MUC5AC: variants seen among roughly 807,000 people sequenced by gnomAD.
MUC5AC encodes the protein mucin 5AC, oligomeric mucus/gel-forming.
In MUC5AC, 158 loss-of-function variants were observed where a neutral mutation model predicts 169.7. That is an observed-to-expected ratio of 0.93 (90% confidence interval 0.82 to 1.06). MUC5AC has a LOEUF of 1.06. Among genes scored for constraint, MUC5AC ranks in the 50% least tolerant of loss-of-function variants. MUC5AC has a pLI of 0.00. For missense variants in MUC5AC, 4,359 were observed against 3,089.9 expected (o/e 1.41, Z -9.74); for synonymous variants, 1,975 against 1,237.0 (o/e 1.60, Z -12.52).
Position 1,189,796 on chromosome 11 carries a change from C to T in MUC5AC, c.11651C>T (p.Thr3884Ile), listed in dbSNP as rs1449840521. 9 of 716,518 alleles carry T rather than the reference C, an allele frequency of 1.3e-5. No homozygotes were observed. The African/African-American group carries it at 1.6e-4, about 12-fold the overall frequency. The allele number at this position is 716,518 out of a possible 1,614,324, so 44.4% of individuals were successfully genotyped here. Residue 3884 changes from threonine to isoleucine, a missense_variant, in exon 31 of 49, where the codon ACA becomes ATA. Coordinates refer to ENST00000621226, the MANE Select transcript of MUC5AC (RefSeq NM_001304359.2). ...APTTSTTSFH[T>I]TSTTSPPTSS... ...ACAACCAGCACAACCTCTTTCCATA[C>T]AACCAGCACAACCTCTCCCCCTACA...
rs1860694461 is a variant in MUC5AC at position 1,176,569 on chromosome 11, G to A, written c.2558G>A (p.Gly853Asp). 1 of 399,808 alleles carries A rather than the reference G, an allele frequency of 2.5e-6. No individual in the cohort carries two copies. Among genetic ancestry groups the A allele is most frequent in the Non-Finnish European group, 4.4e-6 (1 of 226,968 alleles). The allele number at this position is 399,808 out of a possible 1,614,324, so 24.8% of individuals were successfully genotyped here. Residue 853 changes from glycine to aspartate, a missense_variant, in exon 21 of 49, where the codon GGC becomes GAC. Physicochemically the swap from Gly to Asp is moderately conservative, Grantham distance 94. Coordinates refer to ENST00000621226, the MANE Select transcript of MUC5AC (RefSeq NM_001304359.2). ...TGCCCCGACGGGCTGGTGGCGGACGGCGAGGGCGGCTGCATCACTGCGGAG... is the reference window on the plus strand; with the variant it reads ...TGCCCCGACGGGCTGGTGGCGGACGACGAGGGCGGCTGCATCACTGCGGAG... The part of the protein sequence containing the change: ...CVCPDGLVAD[G>D]EGGCITAEDC...
In MUC5AC at chr11:1,190,247, G is replaced by A. The variant is rs1861054497; in HGVS notation, c.12102G>A (p.Gln4034=). The A allele has an allele frequency of 1.4e-6, 1 of 734,510 alleles. No homozygotes were observed. The highest frequency in any genetic ancestry group is 2.5e-6 in the Non-Finnish European group (1 of 402,592). The allele number at this position is 734,510 out of a possible 1,614,324, so 45.5% of individuals were successfully genotyped here. Residue 4034 remains glutamine (Q), a synonymous_variant, in exon 31 of 49, where the codon CAG becomes CAA. Transcript: ENST00000621226. ...GCCTGGTGTGCCGGAACCAGGACCA[G>A]CAGGGACCCTTCAAGATGTGCCTCA... ...EEGLVCRNQD[Q]QGPFKMCLNY...
intron 20 of MUC5AC, 54 bp from the exon 21 acceptor site, chr11:1,176,460 C>G: frequency 2.5e-6 from 1 of 398,916 alleles, no homozygotes; most frequent in Middle Eastern, 6.3e-4. Flanking sequence ...CTGGGAGGAC[C>G]TGGCAGGCCC....
In MUC5AC at chr11:1,184,523, C is replaced by T. The variant is rs1219041618; in HGVS notation, c.6378C>T (p.Phe2126=). Residue 2126 remains phenylalanine (F), a synonymous_variant, in exon 31 of 49, where the codon TTC becomes TTT. Transcript: ENST00000621226. ...CHPRCTWTTW[F]DVDFPSPGPH... ...CCCGGTGCACCTGGACAACGTGGTT[C>T]GACGTGGACTTCCCGTCCCCCGGAC... 1,781 of 652,656 alleles carry T rather than the reference C, an allele frequency of 2.7e-3. 40 individuals are homozygous for T. The highest frequency in any genetic ancestry group is 0.024 in the South Asian group (1,354 of 56,772). 40.4% of individuals were successfully genotyped at this position (652,656 alleles called of 1,614,324 possible).
intron 6 of MUC5AC, among the ~76,000 whole-genome samples, chr11:1,163,533 G>T (rs971489645): frequency 1 from 152,274 of 152,274 alleles, 76,137 homozygotes; most frequent in Non-Finnish European, 1. Flanking sequence ...AGTGCTGGGG[G>T]GGCTGGGTTC....
Position 1,179,370 on chromosome 11 carries a change from C to T in MUC5AC, c.3484+122C>T. On this transcript the variant is annotated intron_variant, in intron 26 of 48. Transcript: ENST00000621226. ...GGGAAGGTTTCCAAATAAACAGAAACACCTGGGCCCAGAGAGGAGGGCGTG... is the reference window on the plus strand; with the variant it reads ...GGGAAGGTTTCCAAATAAACAGAAATACCTGGGCCCAGAGAGGAGGGCGTG... The T allele has an allele frequency of 6.5e-6, 3 of 464,570 alleles. No homozygotes were observed. In the South Asian group the frequency reaches 1.4e-4, roughly 22 times the overall value. The allele number at this position is 464,570 out of a possible 1,614,324, so 28.8% of individuals were successfully genotyped here.
At position 1,160,692 on chromosome 11, in the gene MUC5AC, G is replaced by A; in HGVS notation, c.151+3G>A. Reference sequence around the variant, plus strand: ...TCCTATCGCCCGGGGGCCCAGCGGTGAGTCTGAGTGTCCGGCCCCCACCCT... The same window carrying A: ...TCCTATCGCCCGGGGGCCCAGCGGTAAGTCTGAGTGTCCGGCCCCCACCCT... On this transcript the variant is annotated splice_donor_region_variant and intron_variant, in intron 2 of 48. Transcript: ENST00000621226. 1.9e-6 allele frequency: 3 copies of A among 1,608,260 alleles called. No homozygotes were observed. The highest frequency in any genetic ancestry group is 2.5e-6 in the Non-Finnish European group (3 of 1,178,842).
rs1210951346 is a variant in MUC5AC at position 1,190,767 on chromosome 11, A to C, written c.12622A>C (p.Ser4208Arg). ...TSSTTSTPQT[S>R]KTSAATSSTT... is the part of the protein sequence containing the mutation. ...CAGCACAACCTCCACTCCACAGACC[A>C]GCAAAACCTCAGCTGCTACAAGCAG... Residue 4208 changes from serine (S) to arginine (R), a missense_variant, in exon 31 of 49, where the codon AGC becomes CGC. Transcript: ENST00000621226. 395 of 706,640 alleles carry C rather than the reference A, an allele frequency of 5.6e-4. 4 individuals carry two copies. The highest frequency in any genetic ancestry group is 4.2e-3 in the South Asian group (287 of 67,806). The allele number at this position is 706,640 out of a possible 1,614,324, so 43.8% of individuals were successfully genotyped here. A position where few individuals can be genotyped will look rare whatever the true frequency, so the allele number is the denominator to read the frequency against.
At chr11:1,174,793 G>A (rs1860633400) in intron 17 of MUC5AC, 89 bp from the exon 18 acceptor site, 1 of 457,492 alleles carries the variant, frequency 2.2e-6, no homozygotes, top group Non-Finnish European at 3.9e-6. Context: ...GGGAGGGGAG[G>A]GTAGCCGAGA....
Position 1,185,479 on chromosome 11 carries a change from C to T in MUC5AC, c.7334C>T (p.Thr2445Ile). The change falls in exon 31 of 49, where the codon ACT becomes ATT. Residue 2445 changes from threonine (T) to isoleucine (I), a missense_variant. Thr to Ile is a moderately conservative substitution (Grantham distance 89). Coordinates refer to ENST00000621226, the MANE Select transcript of MUC5AC (RefSeq NM_001304359.2). The stretch of plus-strand genomic sequence containing the variant: ...ACCTCGGCTCCTACAACCAGCACAA[C>T]TTCTGGTCCTGGAACTACCCCAAGC... ...STTSAPTTST[T>I]SGPGTTPSPV... 1 of 728,114 alleles carries T rather than the reference C, an allele frequency of 1.4e-6. No individual in the cohort carries two copies. The highest frequency in any genetic ancestry group is 1.4e-5 in the South Asian group (1 of 69,880). 45.1% of individuals were successfully genotyped at this position (728,114 alleles called of 1,614,324 possible). A position where few individuals can be genotyped will look rare whatever the true frequency, so the allele number is the denominator to read the frequency against.
rs1051648538 is a variant in MUC5AC at position 1,182,157 on chromosome 11, G to A, written c.4012G>A (p.Val1338Met). ...GCTGCCTTCTCTTCTGCCCACAGTC[G>A]TGAGCTCCACGCACACCCCCAGCAA... ...TFSFSTPPLV[V>M]SSTHTPSNGP... is the part of the protein sequence containing the mutation. Residue 1338 changes from valine to methionine, a missense_variant and splice_region_variant, in exon 31 of 49, where the codon GTG becomes ATG. Transcript: ENST00000621226. The A allele has an allele frequency of 1.0e-4, 40 of 398,464 alleles. No individual in the cohort carries two copies. Among genetic ancestry groups the A allele is most frequent in the Admixed American group, 7.5e-4 (17 of 22,710 alleles). 24.7% of individuals were successfully genotyped at this position (398,464 alleles called of 1,614,324 possible).
In MUC5AC at chr11:1,189,359, T is replaced by C; in HGVS notation, c.11214T>C (p.Ser3738=). The change falls in exon 31 of 49, where the codon TCT becomes TCC. Residue 3738 remains serine, a synonymous_variant. Coordinates refer to ENST00000621226, the MANE Select transcript of MUC5AC (RefSeq NM_001304359.2). ...CGGCTCCTACCACCAGCACAATCTC[T>C]GCCCCTACAACCAGCACAATCTCTG... The part of the protein sequence containing the change: ...TTSAPTTSTI[S]APTTSTISAP... 1 of 568,190 alleles carries C rather than the reference T, an allele frequency of 1.8e-6. No homozygotes were observed. The highest frequency in any genetic ancestry group is 3.1e-6 in the Non-Finnish European group (1 of 321,660). The allele number at this position is 568,190 out of a possible 1,614,324, so 35.2% of individuals were successfully genotyped here.
intron 15 of MUC5AC, among the ~76,000 whole-genome samples, chr11:1,172,066 C>T (rs1860564737): frequency 6.6e-6 from 1 of 152,268 alleles, no homozygotes; most frequent in Non-Finnish European, 1.5e-5. Flanking sequence ...CTTCTTCCTG[C>T]AGCCTGGGAA....
At chr11:1,198,794 G>T (rs1003556161) in intron 43 of MUC5AC, 80 bp from the exon 44 acceptor site, 15 of 666,286 alleles carry the variant, frequency 2.3e-5, no homozygotes, top group Non-Finnish European at 4.1e-5. Flanking sequence ...GAAGTTGGGG[G>T]CAGCAAGCCA....
rs146197772 is a variant in MUC5AC, at chr11:1,169,259, G to C, written c.1870+233G>C. The C allele has an allele frequency of 5.2e-5, 42 of 809,520 alleles. No homozygotes were observed. In the African/African-American group the frequency reaches 7.5e-4, roughly 14 times the overall value. 50.1% of individuals were successfully genotyped at this position (809,520 alleles called of 1,614,324 possible). On this transcript the variant is annotated intron_variant, in intron 15 of 48. Transcript: ENST00000621226. ...CAAAGAAAGGGTACAAGTCTCTGTT[G>C]GTCAACATCCGCCCTGACCGCCTAC...
At chr11:1,194,420 C>A (rs1352958262) in intron 34 of MUC5AC, 60 bp downstream of exon 34, 2 of 711,832 alleles carry the variant, frequency 2.8e-6, no homozygotes, top group Non-Finnish European at 5.1e-6. Context: ...CCGGCAAGAG[C>A]CTGAGCAGCG....
At position 1,180,106 on chromosome 11, in the gene MUC5AC, G is replaced by A. The variant is rs950788448; in HGVS notation, c.3569G>A (p.Arg1190Gln). 5.5e-5 allele frequency: 22 copies of A among 399,102 alleles called. No individual in the cohort carries two copies. The highest frequency in any genetic ancestry group is 5.7e-4 in the Middle Eastern group (1 of 1,764). 24.7% of individuals were successfully genotyped at this position (399,102 alleles called of 1,614,324 possible). A position where few individuals can be genotyped will look rare whatever the true frequency, so the allele number is the denominator to read the frequency against. The change falls in exon 27 of 49, where the codon CGG becomes CAG. Residue 1190 changes from arginine (R) to glutamine (Q), a missense_variant. Physicochemically the swap from Arg to Gln is conservative, Grantham distance 43. Coordinates refer to ENST00000621226, the MANE Select transcript of MUC5AC (RefSeq NM_001304359.2). ...PCGVPCLRTC[R>Q]NPRGDCLRDV... ...GGGGTGCCCTGCCTGCGCACCTGCC[G>A]GAACCCCCGTGGAGACTGCCTGCGG...
Position 1,199,456 on chromosome 11 carries a change from C to G in MUC5AC, c.16481C>G (p.Thr5494Arg), listed in dbSNP as rs754121316. ...CAGGATGGGCTCGTGGTGGTCACCA[C>G]GAAGAAGGCGTGCCCCCCGCTCAGC... ...KHQDGLVVVT[T>R]KKACPPLSCS... Residue 5494 changes from threonine to arginine, a missense_variant, in exon 46 of 49, where the codon ACG becomes AGG. Thr to Arg is a moderately conservative substitution (Grantham distance 71). Coordinates refer to ENST00000621226, the MANE Select transcript of MUC5AC (RefSeq NM_001304359.2). 2.8e-6 allele frequency: 2 copies of G among 725,318 alleles called. No individual in the cohort carries two copies. Among genetic ancestry groups the G allele is most frequent in the Admixed American group, 1.9e-5 (1 of 53,702 alleles). 44.9% of individuals were successfully genotyped at this position (725,318 alleles called of 1,614,324 possible).
chr11:1,177,397 C>T, intron 23 of MUC5AC, 53 bp downstream of exon 23: 1 of 408,664 alleles, frequency 2.4e-6, no homozygotes. Flanking sequence ...ATGGCAGCGT[C>T]TGGTCAGGTG....
Sources: gnomAD v4.1 joint callset for allele counts (sites outside exome capture counted in the v4.1 genomes callset) on GRCh38, gnomAD v4.1.1 for gene constraint, MANE v1.5 for transcripts, NCBI Gene and HGNC (gene_info 2026-07-23, HGNC 2026-07-21) for gene names.